Variants in VPS54 observed in about 807,000 individuals in gnomAD.
The protein encoded by VPS54 is VPS54 subunit of GARP complex, also known as vacuolar protein sorting-associated protein 54.
A neutral mutation model predicts 121.5 loss-of-function variants in VPS54; 45 were observed. That is an observed-to-expected ratio of 0.37 (90% CI 0.29 to 0.47). The LOEUF (loss-of-function observed/expected upper bound fraction) is 0.47. Among genes scored for constraint, VPS54 ranks in the 20% least tolerant of loss-of-function variants. The pLI, the probability that VPS54 is intolerant of heterozygous loss-of-function variation, is 0.99. For missense variants in VPS54, 1,090 were observed against 1,131.4 expected, an observed-to-expected ratio of 0.96 and a Z score of 0.52; for synonymous variants, 371 against 385.8, an observed-to-expected ratio of 0.96 and a Z score of 0.45.
At chr2:63,963,838 T>G (rs933012319) in intron 6 of VPS54, among the ~76,000 whole-genome samples, 5 of 152,158 alleles carry the variant, frequency 3.3e-5, no homozygotes, top group African/African-American at 1.2e-4. Context: ...TTTAGGACAG[T>G]GCTACCCAGA....
rs779354808 is a variant in VPS54, at chr2:63,933,681, C to G, written c.1731G>C (p.Val577=). Residue 577 remains valine (V), a synonymous_variant, in exon 12 of 23, where the codon GTG becomes GTC. Coordinates refer to ENST00000272322, the MANE Select transcript of VPS54 (RefSeq NM_016516.3). ...HTSSSAIPGG[V]DIMVSEDMKL... is the part of the protein sequence containing the mutation. Reference sequence around the variant, plus strand: ...GTAGCCACTATACTCACATAATATCCACACCTCCTGGAATAGCAGATGATG... The same window carrying G: ...GTAGCCACTATACTCACATAATATCGACACCTCCTGGAATAGCAGATGATG... 1 of 1,611,212 alleles carries G rather than the reference C, an allele frequency of 6.2e-7. No individual in the cohort carries two copies. The highest frequency in any genetic ancestry group is 1.1e-5 in the South Asian group (1 of 91,030).
chr2:63,979,051 G>A (rs1056655532), intron 3 of VPS54, among the ~76,000 whole-genome samples: 8 of 152,102 alleles, frequency 5.3e-5, no homozygotes, highest in Non-Finnish European at 8.8e-5. Context: ...TTTAATCTCT[G>A]TAGAATCTGT....
intron 10 of VPS54, 107 bp from the exon 11 acceptor site, chr2:63,942,668 CA>C: frequency 5.7e-6 from 5 of 873,902 alleles, no homozygotes; most frequent in South Asian, 1.8e-5. Context: ...TGATAAAATG[CA>C]ATTTCATCTA....
At chr2:63,940,176 T>C (rs1052683740) in intron 11 of VPS54, among the ~76,000 whole-genome samples, 3 of 152,192 alleles carry the variant, frequency 2.0e-5, no homozygotes, top group African/African-American at 7.2e-5. Flanking sequence ...TATTTTACCA[T>C]TTCTCTATTG....
intron 4 of VPS54, among the ~76,000 whole-genome samples, chr2:63,971,939 C>T (rs1424877933): frequency 6.6e-6 from 1 of 152,088 alleles, no homozygotes; most frequent in South Asian, 2.1e-4. Flanking sequence ...AGGAACATAC[C>T]AACCACGAAG....
intron 1 of VPS54, among the ~76,000 whole-genome samples, chr2:64,008,409 G>A (rs1357639282): frequency 3.4e-4 from 26 of 75,444 alleles, no homozygotes; most frequent in African/African-American, 1.2e-3. Context: ...GCGCGACTCC[G>A]TCTCAAAAAA....
At chr2:63,999,910 G>C (rs1228421568) in intron 1 of VPS54, among the ~76,000 whole-genome samples, 1 of 151,900 alleles carries the variant, frequency 6.6e-6, no homozygotes, top group African/African-American at 2.4e-5. Flanking sequence ...ACCCAGACTA[G>C]AGTGCAATGG....
intron 7 of VPS54, among the ~76,000 whole-genome samples, chr2:63,959,804 G>A (rs538743712): frequency 6.6e-5 from 10 of 151,960 alleles, no homozygotes; most frequent in Admixed American, 2.6e-4. Context: ...GCAGATCACC[G>A]GAGGTCAGGA....
intron 1 of VPS54, among the ~76,000 whole-genome samples, chr2:64,004,251 T>C (rs1678023102): frequency 1.3e-5 from 2 of 151,894 alleles, no homozygotes; most frequent in Admixed American, 1.3e-4. Flanking sequence ...GTAATAAATA[T>C]AAAAGGAATA....
At chr2:63,966,178 TG>T (rs1403227912) in intron 5 of VPS54, among the ~76,000 whole-genome samples, 11 of 152,294 alleles carry the variant, frequency 7.2e-5, no homozygotes, top group Admixed American at 3.3e-4. Flanking sequence ...AGATACAAAA[TG>T]TTTTTTGCCT....
chr2:63,918,637 C>G (rs990542043), intron 15 of VPS54, among the ~76,000 whole-genome samples: 1 of 151,950 alleles, frequency 6.6e-6, no homozygotes, highest in South Asian at 2.1e-4. Flanking sequence ...TTTCTCTGCC[C>G]TATATCAACT....
Position 63,893,301 on chromosome 2 carries a change from CTT to C in VPS54, c.*127_*128del. ...CAGTTTCCCAACACTTGATACTTTC[CTT>C]TTTCCCTTCCCCCACCCCAGTTCAC... is the stretch of plus-strand genomic sequence containing the variant. On this transcript the variant is annotated 3_prime_UTR_variant, in exon 23 of 23. Coordinates refer to ENST00000272322, the MANE Select transcript of VPS54 (RefSeq NM_016516.3). The C allele has an allele frequency of 2.4e-6, 2 of 850,740 alleles. No homozygotes were observed. The highest frequency in any genetic ancestry group is 4.8e-5 in the East Asian group (2 of 41,338). 52.7% of individuals were successfully genotyped at this position (850,740 alleles called of 1,614,324 possible).
intron 20 of VPS54, among the ~76,000 whole-genome samples, chr2:63,900,220 CAAAAAAAAA>C (rs70965149): frequency 7.9e-5 from 5 of 63,388 alleles, no homozygotes; most frequent in African/African-American, 2.0e-4. Context: ...AACTCTGTCT[CAAAAAAAAA>C]AAAAAAAAAA....
At chr2:63,999,313 C>T (rs1395570807) in intron 1 of VPS54, among the ~76,000 whole-genome samples, 1 of 152,126 alleles carries the variant, frequency 6.6e-6, no homozygotes, top group Non-Finnish European at 1.5e-5. Context: ...TTTTGTTTGT[C>T]TGGGAAAGTC....
chr2:63,991,198 G>A (rs1677301046), intron 1 of VPS54, among the ~76,000 whole-genome samples: 1 of 152,094 alleles, frequency 6.6e-6, no homozygotes, highest in Non-Finnish European at 1.5e-5. Flanking sequence ...CCAAGCTCCT[G>A]TTTCTTTTAC....
At chr2:63,943,727 C>CTTTCTTTTT (rs34858643) in intron 10 of VPS54, among the ~76,000 whole-genome samples, 10 of 129,594 alleles carry the variant, frequency 7.7e-5, no homozygotes, top group Non-Finnish European at 1.6e-4. Context: ...TTCTTTCTTT[C>CTTTCTTTTT]TTTTTTTTTT....
rs1228148558 is a variant in VPS54 at position 63,920,589 on chromosome 2, T to C, written c.1908A>G (p.Ile636Met). Residue 636 changes from isoleucine to methionine, a missense_variant, in exon 14 of 23, where the codon ATA becomes ATG. Physicochemically the swap from Ile to Met is conservative, Grantham distance 10. Around this residue, in one of 2 missense-constraint regions of VPS54, gnomAD observed 801 missense variants for 757.0 expected, o/e 1.06. Coordinates refer to ENST00000272322, the MANE Select transcript of VPS54 (RefSeq NM_016516.3). ...ATGTTTCCATTAATCTAGAAAGTGT[T>C]ATGAATTCCATGGAATTTAGCTTCT... ...FLEKLNSMEF[I>M]TLSRLMETFI... The C allele has an allele frequency of 1.3e-6, 2 of 1,541,452 alleles. No individual in the cohort carries two copies. Among genetic ancestry groups the C allele is most frequent in the East Asian group, 4.9e-5 (2 of 40,618 alleles).
chr2:63,893,618 G>T, intron 22 of VPS54, 83 bp from the exon 23 acceptor site: 1 of 1,194,684 alleles, frequency 8.4e-7, no homozygotes, highest in Non-Finnish European at 1.2e-6. Flanking sequence ...CCGAGTCAGA[G>T]TCCTATTATC....
rs139082177 is a variant in VPS54 at position 63,915,896 on chromosome 2, G to A, written c.2228+1004C>T. ...GGTAAGACCTCATCTCTACCTTTGA[G>A]GAATTCAGAGTCAAATTAGAAGACA... On this transcript the variant is annotated intron_variant, in intron 16 of 22. Transcript: ENST00000272322. 3.9e-5 allele frequency among the ~76,000 whole-genome samples: 6 copies of A among 152,230 alleles called. No homozygotes were observed. The East Asian group carries it at 1.2e-3, about 29-fold the overall frequency.
Sources: allele counts gnomAD v4.1 joint callset (sites outside exome capture counted in the v4.1 genomes callset), GRCh38; gene constraint gnomAD v4.1.1; regional missense constraint gnomAD v4.1.1; transcripts MANE v1.5; gene names NCBI Gene and HGNC (gene_info 2026-07-23, HGNC 2026-07-21).